Variants in SH3D19 observed in about 807,000 individuals in gnomAD.
The protein encoded by SH3D19 is SH3 domain-containing protein 19.
SH3D19 carries 58 observed loss-of-function variants against 112.1 expected under a neutral mutation model. The ratio of observed to expected loss-of-function variants is 0.52; its 90% CI spans 0.42 to 0.64. The LOEUF is 0.64. SH3D19 is among the 30% of genes least tolerant of loss of function. SH3D19 has a pLI of 0.00. For synonymous variants in SH3D19, 391 were observed against 448.5 expected, an observed-to-expected ratio of 0.87 and a Z score of 1.62; for missense variants, 1,090 against 1,263.4, an observed-to-expected ratio of 0.86 and a Z score of 2.08.
At chr4:151,143,798 TC>T in intron 12 of SH3D19, 111 bp downstream of exon 12, 1 of 1,233,702 alleles carries the variant, frequency 8.1e-7, no homozygotes, top group East Asian at 2.4e-5. Flanking sequence ...TAATTTTTAC[TC>T]TGGTTAAAAT....
chr4:151,191,635 T>C (rs954035927), intron 2 of SH3D19, among the ~76,000 whole-genome samples: 1 of 151,992 alleles, frequency 6.6e-6, no homozygotes. Flanking sequence ...GTCAGAAGAG[T>C]ACAGAATCTG....
At chr4:151,302,923 C>T (rs1326179382) in intron 1 of SH3D19, among the ~76,000 whole-genome samples, 1 of 151,920 alleles carries the variant, frequency 6.6e-6, no homozygotes, top group African/African-American at 2.4e-5. Context: ...ATGTAAATGA[C>T]GAGTTAATGG....
chr4:151,316,977 A>C (rs2126393861), intron 1 of SH3D19, among the ~76,000 whole-genome samples: 1 of 152,344 alleles, frequency 6.6e-6, no homozygotes, highest in Non-Finnish European at 1.5e-5. Context: ...ATACATGTCA[A>C]GTACTATAAA....
chr4:151,280,249 G>A lies in SH3D19; in HGVS notation c.112+44992C>T, dbSNP rs190659711. On this transcript the variant is annotated intron_variant, in intron 1 of 19. Transcript: ENST00000604030. ...TTTTTGGGTCATAAACACAATCTGA[G>A]CTCTAAGAGCCACTGCTGTGAGAGA... is the stretch of plus-strand genomic sequence containing the variant. Among the ~76,000 whole-genome samples the A allele has an allele frequency of 1.1e-3, 172 of 152,250 alleles. 3 individuals are homozygous for A. The highest frequency in any genetic ancestry group is 0.011 in the Admixed American group (166 of 15,306).
intron 1 of SH3D19, among the ~76,000 whole-genome samples, chr4:151,318,798 GT>G (rs1333014896): frequency 6.6e-6 from 1 of 152,050 alleles, no homozygotes; most frequent in Admixed American, 6.5e-5. Context: ...CTTGTCCAAG[GT>G]CACACAGCCA....
chr4:151,169,854 A>G (rs1758743517), intron 7 of SH3D19, among the ~76,000 whole-genome samples: 1 of 152,198 alleles, frequency 6.6e-6, no homozygotes, highest in South Asian at 2.1e-4. Flanking sequence ...GCAAAAACCA[A>G]CAAGGAACAA....
At chr4:151,156,939 C>T (rs1756228776) in intron 9 of SH3D19, among the ~76,000 whole-genome samples, 1 of 152,078 alleles carries the variant, frequency 6.6e-6, no homozygotes, top group Non-Finnish European at 1.5e-5. Flanking sequence ...ATCCAGAATA[C>T]AAAAGAAACT....
chr4:151,128,262 T>C lies in SH3D19; in HGVS notation c.2837A>G (p.Gln946Arg). ...GTCAGAATCCAGACGTTCCAGAATC[T>C]GGATCCGGTCTCCCCTCTTGAATGA... ...DLSFKRGDRI[Q>R]ILERLDSDWC... The change falls in exon 18 of 20, where the codon CAG (glutamine) becomes CGG (arginine). Residue 946 changes from glutamine to arginine, a missense_variant. Physicochemically the swap from Gln to Arg is conservative, Grantham distance 43. Transcript: ENST00000604030. 6.2e-7 allele frequency: 1 copy of C among 1,614,182 alleles called. No homozygotes were observed. The highest frequency in any genetic ancestry group is 8.5e-7 in the Non-Finnish European group (1 of 1,180,018).
At chr4:151,282,289 A>T in intron 1 of SH3D19, 1 of 1,613,914 alleles carries the variant, frequency 6.2e-7, no homozygotes, top group Non-Finnish European at 8.5e-7. Context: ...CCTTGTTGAA[A>T]CTGTCCTCTC....
chr4:151,312,417 G>A (rs1258720542), intron 1 of SH3D19, among the ~76,000 whole-genome samples: 3 of 152,136 alleles, frequency 2.0e-5, no homozygotes, highest in Non-Finnish European at 4.4e-5. Context: ...CAACTATTCC[G>A]GAAGTAATGA....
intron 3 of SH3D19, among the ~76,000 whole-genome samples, chr4:151,187,003 C>T (rs993975355): frequency 2.6e-5 from 4 of 151,920 alleles, no homozygotes; most frequent in South Asian, 2.1e-4. Flanking sequence ...ACTGTGTTAG[C>T]CAGGATGGTC....
At chr4:151,258,833 TG>T (rs758421000) in intron 1 of SH3D19, among the ~76,000 whole-genome samples, 1 of 152,102 alleles carries the variant, frequency 6.6e-6, no homozygotes, top group Non-Finnish European at 1.5e-5. Context: ...GGCCTCTCCC[TG>T]GGATCCTGAG....
chr4:151,281,987 GA>G (rs1212147149), intron 1 of SH3D19, among the ~76,000 whole-genome samples: 1 of 152,050 alleles, frequency 6.6e-6, no homozygotes, highest in Non-Finnish European at 1.5e-5. Context: ...AGAAAGAGAG[GA>G]AAGAAGGAGA....
At chr4:151,215,707 T>C (rs1205005875) in intron 2 of SH3D19, among the ~76,000 whole-genome samples, 1 of 152,222 alleles carries the variant, frequency 6.6e-6, no homozygotes, top group Non-Finnish European at 1.5e-5. Flanking sequence ...AAACTTATCA[T>C]GAGGGCAGAA....
intron 1 of SH3D19, among the ~76,000 whole-genome samples, chr4:151,269,234 G>A (rs1407174293): frequency 1.3e-5 from 2 of 152,168 alleles, no homozygotes; most frequent in Admixed American, 6.5e-5. Context: ...CTGCATAAAT[G>A]TCTTCTTTTG....
intron 1 of SH3D19, among the ~76,000 whole-genome samples, chr4:151,273,126 A>C (rs543659890): frequency 6.6e-6 from 1 of 152,308 alleles, no homozygotes; most frequent in Admixed American, 6.5e-5. Context: ...CTGGTGCCTT[A>C]GTTACATCAG....
In SH3D19 at chr4:151,176,643, A is replaced by C. The variant is rs1199142234; in HGVS notation, c.420T>G (p.Val140=). ...TATTATTATTTGTAGTATTAACTTG[A>C]ACTTGGTTGATTTCTTTTATAACTT... is the stretch of plus-strand genomic sequence containing the variant. ...YEQVIKEINQ[V]QVNTTNNNNA... is the part of the protein sequence containing the mutation. The change falls in exon 6 of 20, where the codon GTT becomes GTG. Residue 140 remains valine, a synonymous_variant. Transcript: ENST00000604030. The C allele has an allele frequency of 8.1e-7, 1 of 1,231,892 alleles. No individual in the cohort carries two copies. The highest frequency in any genetic ancestry group is 1.0e-6 in the Non-Finnish European group (1 of 987,868). 76.3% of individuals were successfully genotyped at this position (1,231,892 alleles called of 1,614,324 possible).
chr4:151,139,203 G>C lies in SH3D19; in HGVS notation c.2296+572C>G, dbSNP rs115912232. On this transcript the variant is annotated intron_variant, in intron 13 of 19. Coordinates refer to ENST00000604030, the MANE Select transcript of SH3D19 (RefSeq NM_001378122.1). ...GAGTCTCGCTCTGTCCCTCGGGCCGGAGTGCAGTGGCGCGATCTCAGCTCA... is the reference window on the plus strand; with the variant it reads ...GAGTCTCGCTCTGTCCCTCGGGCCGCAGTGCAGTGGCGCGATCTCAGCTCA... Among the ~76,000 whole-genome samples, 995 of 151,914 alleles carry C rather than the reference G, an allele frequency of 6.5e-3. 11 individuals are homozygous for C. Among genetic ancestry groups the C allele is most frequent in the African/African-American group, 0.023 (966 of 41,418 alleles).
At chr4:151,143,739 G>A (rs766631982) in intron 12 of SH3D19, among the ~76,000 whole-genome samples, 171 bp downstream of exon 12, 7 of 151,984 alleles carry the variant, frequency 4.6e-5, no homozygotes, top group African/African-American at 9.7e-5. Flanking sequence ...TATGGCAGTG[G>A]CAAGTCTCTT....
Sources: allele counts gnomAD v4.1 joint callset (sites outside exome capture counted in the v4.1 genomes callset), GRCh38; gene constraint gnomAD v4.1.1; transcripts MANE v1.5; gene names NCBI Gene and HGNC (gene_info 2026-07-23, HGNC 2026-07-21).